CEP95: variants seen among roughly 807,000 people sequenced by gnomAD.
CEP95 encodes centrosomal protein 95, also known as centrosomal protein of 95 kDa.
Under a neutral mutation model 111.2 loss-of-function variants are expected in CEP95, and 98 were observed. That is an observed-to-expected ratio of 0.88 (90% CI 0.75 to 1.04). The LOEUF (loss-of-function observed/expected upper bound fraction) is 1.04, where lower values mean the gene tolerates loss of function less well. Ranked by LOEUF, CEP95 falls within the 50% of genes least tolerant of loss-of-function variation. The pLI, the probability that CEP95 is intolerant of heterozygous loss-of-function variation, is 0.00. For synonymous variants in CEP95, 323 were observed against 327.1 expected (o/e 0.99, Z 0.14); for missense variants, 1,027 against 977.2 (o/e 1.05, Z -0.68).
chr17:64,514,819 T>G, intron 4 of CEP95: 1 of 183,044 alleles, frequency 5.5e-6, no homozygotes, highest in Non-Finnish European at 1.1e-5. Context: ...TGAAAGAACT[T>G]AACTGTCTTA....
At chr17:64,515,016 C>A (rs2144375161) in intron 4 of CEP95, among the ~76,000 whole-genome samples, 1 of 152,292 alleles carries the variant, frequency 6.6e-6, no homozygotes. Flanking sequence ...TATAGTGAGA[C>A]CTGTGATAGT....
rs1256769651 is a variant in CEP95 at position 64,532,632 on chromosome 17, A to G, written c.1673-207A>G. The G allele has an allele frequency of 1.2e-5, 16 of 1,374,680 alleles. No individual in the cohort carries two copies. The South Asian group carries it at 2.4e-4, about 20-fold the overall frequency. 85.2% of individuals were successfully genotyped at this position (1,374,680 alleles called of 1,614,324 possible). ...ACTTCCCAGGACCAGCATGGCATCA[A>G]TCCAGAACTATTGAGCTTATTTTTA... On this transcript the variant is annotated intron_variant, in intron 14 of 19. Coordinates refer to ENST00000556440, the MANE Select transcript of CEP95 (RefSeq NM_138363.3).
chr17:64,524,834 G>A (rs1159813287), intron 8 of CEP95, among the ~76,000 whole-genome samples: 3 of 151,360 alleles, frequency 2.0e-5, no homozygotes, highest in Non-Finnish European at 2.9e-5. Context: ...AGCCAGGCGC[G>A]GTGGCAGGTG....
chr17:64,516,538 G>A (rs781889300), intron 4 of CEP95, among the ~76,000 whole-genome samples, 185 bp from the exon 5 acceptor site: 1 of 152,110 alleles, frequency 6.6e-6, no homozygotes, highest in Non-Finnish European at 1.5e-5. Context: ...TTGTTTCTTT[G>A]TTACTCGAAT....
At chr17:64,519,722 G>A (rs565668817) in intron 6 of CEP95, among the ~76,000 whole-genome samples, 7 of 152,294 alleles carry the variant, frequency 4.6e-5, no homozygotes, top group African/African-American at 9.6e-5. Context: ...GTCTGGTCAC[G>A]CTTTCAGGGT....
At chr17:64,532,785 G>A (rs527986517) in intron 14 of CEP95, 54 bp from the exon 15 acceptor site, 2 of 1,561,150 alleles carry the variant, frequency 1.3e-6, no homozygotes, top group Admixed American at 2.0e-5. Flanking sequence ...AGGGATGTTG[G>A]ATGACAGTTC....
chr17:64,522,875 G>A lies in CEP95; in HGVS notation c.889G>A (p.Glu297Lys), dbSNP rs1555678321. 4 of 1,610,890 alleles carry A rather than the reference G, an allele frequency of 2.5e-6. No individual in the cohort carries two copies. The South Asian group carries it at 3.3e-5, about 13-fold the overall frequency. ...HCSPAVNSTG[E>K]HTEFSGDLDD... ...CTCCCCAGCCGTAAATTCTACTGGA[G>A]AGCATACGGAATTTTCTGGGGTAAG... Residue 297 changes from glutamate (E) to lysine (K), a missense_variant, in exon 8 of 20, where the codon GAG (glutamate) becomes AAG (lysine). Transcript: ENST00000556440.
Position 64,525,839 on chromosome 17 carries a change from C to G in CEP95, c.979C>G (p.Gln327Glu), listed in dbSNP as rs1555678953. The change falls in exon 9 of 20, where the codon CAG becomes GAG. Residue 327 changes from glutamine (Q) to glutamate (E), a missense_variant. Transcript: ENST00000556440. ...CAGCAAATGGGAAGTATATCCAGCTCAGGTCCAAGGGCCTAGGACAAGGAA... is the reference window on the plus strand; with the variant it reads ...CAGCAAATGGGAAGTATATCCAGCTGAGGTCCAAGGGCCTAGGACAAGGAA... ...KGSKWEVYPAQVQGPRTRKPP... is the reference protein window; with the variant it reads ...KGSKWEVYPAEVQGPRTRKPP... 2 of 1,599,820 alleles carry G rather than the reference C, an allele frequency of 1.3e-6. No individual in the cohort carries two copies. The highest frequency in any genetic ancestry group is 1.8e-5 in the Admixed American group (1 of 56,074).
In CEP95 at chr17:64,526,210, G is replaced by A. The variant is rs781972147; in HGVS notation, c.1152+10G>A. 3 of 1,603,464 alleles carry A rather than the reference G, an allele frequency of 1.9e-6. No homozygotes were observed. Among genetic ancestry groups the A allele is most frequent in the Non-Finnish European group, 2.6e-6 (3 of 1,176,460 alleles). On this transcript the variant is annotated intron_variant, in intron 10 of 19. Coordinates refer to ENST00000556440, the MANE Select transcript of CEP95 (RefSeq NM_138363.3). The stretch of plus-strand genomic sequence containing the variant: ...TTCTGAACTAGATTGGGCAAGTCTT[G>A]TTTTTTCATCTATATTGAGATTCCC...
chr17:64,533,236 A>G, intron 16 of CEP95, 45 bp downstream of exon 16: 1 of 1,471,810 alleles, frequency 6.8e-7, no homozygotes, highest in East Asian at 2.3e-5. Flanking sequence ...AATTTGTTAT[A>G]TTCATTCCCT....
chr17:64,518,035 GC>G, intron 5 of CEP95, among the ~76,000 whole-genome samples: 1 of 152,016 alleles, frequency 6.6e-6, no homozygotes, highest in Middle Eastern at 3.4e-3. Context: ...CGCCGCCACG[GC>G]TGGCTAATTT....
chr17:64,533,855 G>A (rs1327743186), intron 16 of CEP95, among the ~76,000 whole-genome samples: 1 of 152,140 alleles, frequency 6.6e-6, no homozygotes, highest in African/African-American at 2.4e-5. Context: ...GCTGAACTTA[G>A]TGCTGTTTGC....
At position 64,521,402 on chromosome 17, in the gene CEP95, G is replaced by A. The variant is rs1378310060; in HGVS notation, c.590G>A (p.Gly197Asp). 2 of 1,604,368 alleles carry A rather than the reference G, an allele frequency of 1.2e-6. No individual in the cohort carries two copies. The highest frequency in any genetic ancestry group is 1.7e-6 in the Non-Finnish European group (2 of 1,174,656). Residue 197 changes from glycine to aspartate, a missense_variant and splice_region_variant, in exon 7 of 20, where the codon GGT (glycine) becomes GAT (aspartate). Physicochemically the swap from Gly to Asp is moderately conservative, Grantham distance 94 (BLOSUM62 -1). Coordinates refer to ENST00000556440, the MANE Select transcript of CEP95 (RefSeq NM_138363.3). ...TTACCTTTAATATTTTCTTTCCTAG[G>A]TGCTCAATGTCCTAATGAAATGCTG... ...TAHTFSLRSNGAQCPNEMLSK... is the reference protein window; with the variant it reads ...TAHTFSLRSNDAQCPNEMLSK...
At chr17:64,515,399 T>A (rs2144378256) in intron 4 of CEP95, among the ~76,000 whole-genome samples, 3 of 152,276 alleles carry the variant, frequency 2.0e-5, no homozygotes, top group Admixed American at 2.0e-4. Context: ...GGTTAAGAGG[T>A]AGAAAACAAC....
In CEP95 at chr17:64,526,051, A is replaced by C; in HGVS notation, c.1023-20A>C. 1.2e-6 allele frequency: 2 copies of C among 1,604,214 alleles called. No individual in the cohort carries two copies. Among genetic ancestry groups the C allele is most frequent in the East Asian group, 4.5e-5 (2 of 44,786 alleles). On this transcript the variant is annotated intron_variant, in intron 9 of 19. Transcript: ENST00000556440. Reference sequence around the variant, plus strand: ...TAGACACCTAGCTATTTTACTGTCAAATGGTCACTTTTATTACAGAAATGA... The same window carrying C: ...TAGACACCTAGCTATTTTACTGTCACATGGTCACTTTTATTACAGAAATGA...
intron 17 of CEP95, 58 bp downstream of exon 17, chr17:64,534,795 G>T (rs1555681236): frequency 6.4e-7 from 1 of 1,567,988 alleles, no homozygotes; most frequent in South Asian, 1.2e-5. Context: ...TATCTTTCAG[G>T]ACCACCTTCT....
intron 7 of CEP95, 128 bp downstream of exon 7, chr17:64,521,655 T>A: frequency 1.3e-6 from 1 of 758,534 alleles, no homozygotes; most frequent in Non-Finnish European, 2.0e-6. Context: ...ATCTTACTTG[T>A]AAATGTTTGC....
chr17:64,524,090 GA>G (rs1274957833), intron 8 of CEP95, among the ~76,000 whole-genome samples: 10 of 152,144 alleles, frequency 6.6e-5, no homozygotes, highest in Admixed American at 6.5e-4. Context: ...TAGATAAAAA[GA>G]GGTGTTAAAA....
intron 11 of CEP95, among the ~76,000 whole-genome samples, chr17:64,528,852 TAGAC>T (rs1413439047): frequency 6.6e-6 from 1 of 152,212 alleles, no homozygotes; most frequent in Non-Finnish European, 1.5e-5. Flanking sequence ...TGAGACCACT[TAGAC>T]AATGCTTAAC....
Sources: gnomAD v4.1 joint callset for allele counts (sites outside exome capture counted in the v4.1 genomes callset) on GRCh38, gnomAD v4.1.1 for gene constraint, MANE v1.5 for transcripts, NCBI Gene and HGNC (gene_info 2026-07-23, HGNC 2026-07-21) for gene names.